PDE11A: variants seen among roughly 807,000 people sequenced by gnomAD.
PDE11A encodes phosphodiesterase 11A.
PDE11A carries 100 observed loss-of-function variants against 100.5 expected under a neutral mutation model. That is an observed-to-expected ratio of 1.00 (90% CI 0.85 to 1.18). PDE11A has a LOEUF of 1.18. PDE11A is among the 50% of genes most tolerant of loss of function. The pLI is 0.00. For missense variants in PDE11A, 1,141 were observed against 1,152.6 expected, an observed-to-expected ratio of 0.99 and a Z score of 0.15; for synonymous variants, 381 against 420.8, an observed-to-expected ratio of 0.91 and a Z score of 1.16.
chr2:177,807,243 A>T (rs1369586962), intron 9 of PDE11A, among the ~76,000 whole-genome samples: 1 of 152,162 alleles, frequency 6.6e-6, no homozygotes, highest in East Asian at 1.9e-4. Context: ...AACGGAAGCC[A>T]AAAGACAGTG....
At chr2:177,833,190 C>T (rs753346) in intron 6 of PDE11A, among the ~76,000 whole-genome samples, 31,558 of 152,036 alleles carry the variant, frequency 0.21, 3,363 homozygotes, top group Middle Eastern at 0.26. Context: ...TCCAATGTGC[C>T]TAGGAAACCT....
intron 15 of PDE11A, among the ~76,000 whole-genome samples, chr2:177,690,345 A>C (rs1383782270): frequency 1.3e-5 from 2 of 152,326 alleles, no homozygotes; most frequent in East Asian, 3.9e-4. Flanking sequence ...ATTACTAATC[A>C]GTTTACTTTC....
At chr2:177,902,698 C>T (rs2084716604) in intron 3 of PDE11A, among the ~76,000 whole-genome samples, 1 of 152,166 alleles carries the variant, frequency 6.6e-6, no homozygotes, top group Admixed American at 6.5e-5. Flanking sequence ...TCTTAATCTC[C>T]AGTCCTGACA....
intron 12 of PDE11A, among the ~76,000 whole-genome samples, chr2:177,718,716 T>TA (rs1312726201): frequency 6.6e-6 from 1 of 152,250 alleles, no homozygotes; most frequent in Non-Finnish European, 1.5e-5. Context: ...ACAGTTGGCT[T>TA]AAATTTTTTC....
intron 9 of PDE11A, among the ~76,000 whole-genome samples, chr2:177,815,013 T>C (rs1352530575): frequency 1.3e-5 from 2 of 152,200 alleles, no homozygotes; most frequent in African/African-American, 4.8e-5. Context: ...TCTCTCTTTG[T>C]GTGTTAATTA....
chr2:177,866,239 T>G (rs2084027474), intron 5 of PDE11A, among the ~76,000 whole-genome samples: 1 of 152,172 alleles, frequency 6.6e-6, no homozygotes, highest in Non-Finnish European at 1.5e-5. Flanking sequence ...TCCACGCCTC[T>G]GGGTCCAAGC....
intron 17 of PDE11A, among the ~76,000 whole-genome samples, chr2:177,674,929 C>CT (rs2080746103): frequency 6.6e-6 from 1 of 152,074 alleles, no homozygotes; most frequent in Admixed American, 6.6e-5. Context: ...GAAAACTATT[C>CT]TTATAGAACT....
intron 2 of PDE11A, among the ~76,000 whole-genome samples, chr2:178,078,947 G>A (rs1027922076): frequency 6.6e-6 from 1 of 152,072 alleles, no homozygotes; most frequent in Non-Finnish European, 1.5e-5. Context: ...AAGAACAACT[G>A]ACAATACAAG....
At chr2:177,937,319 CTTTTTT>C (rs33967413) in intron 2 of PDE11A, among the ~76,000 whole-genome samples, 1 of 125,768 alleles carries the variant, frequency 8.0e-6, no homozygotes, top group Admixed American at 8.7e-5. Flanking sequence ...AAATTGAAAG[CTTTTTT>C]TTTTTTTTTT....
At chr2:178,034,299 G>C (rs1197084937) in intron 1 of PDE11A, among the ~76,000 whole-genome samples, 1 of 150,672 alleles carries the variant, frequency 6.6e-6, no homozygotes, top group Non-Finnish European at 1.5e-5. Context: ...AAAGACAAAA[G>C]GGATCAACGC....
chr2:178,005,454 C>T (rs1405644), intron 2 of PDE11A, among the ~76,000 whole-genome samples: 49,191 of 152,004 alleles, frequency 0.32, 10,078 homozygotes, highest in East Asian at 0.55. Context: ...TCAGGACCAG[C>T]GTGGGCACCA....
intron 2 of PDE11A, among the ~76,000 whole-genome samples, chr2:178,099,523 G>C (rs1181128836): frequency 6.6e-6 from 1 of 151,638 alleles, no homozygotes; most frequent in Non-Finnish European, 1.5e-5. Flanking sequence ...CAATCATTAG[G>C]GAAATGAAAA....
intron 1 of PDE11A, among the ~76,000 whole-genome samples, chr2:178,053,834 T>C (rs1359706151): frequency 6.6e-6 from 1 of 152,020 alleles, no homozygotes; most frequent in Admixed American, 6.5e-5. Flanking sequence ...CAAGGAGAAC[T>C]ACAAACCACT....
chr2:177,679,446 C>T (rs2080828086), intron 16 of PDE11A, among the ~76,000 whole-genome samples: 1 of 152,046 alleles, frequency 6.6e-6, no homozygotes, highest in South Asian at 2.1e-4. Context: ...TATGTAAATG[C>T]TTTGGAAATG....
At chr2:177,762,647 G>T (rs2082184972) in intron 10 of PDE11A, among the ~76,000 whole-genome samples, 1 of 152,194 alleles carries the variant, frequency 6.6e-6, no homozygotes, top group African/African-American at 2.4e-5. Context: ...GACACTTAGG[G>T]AATGCAGTGA....
chr2:178,084,926 G>C (rs1159347509), intron 2 of PDE11A, among the ~76,000 whole-genome samples: 1 of 152,116 alleles, frequency 6.6e-6, no homozygotes, highest in Non-Finnish European at 1.5e-5. Context: ...CATTATGTAT[G>C]CCACATCTAA....
At chr2:177,782,965 G>T (rs79980669) in intron 9 of PDE11A, among the ~76,000 whole-genome samples, 1 of 151,788 alleles carries the variant, frequency 6.6e-6, no homozygotes, top group Non-Finnish European at 1.5e-5. Flanking sequence ...ACCCTCTCAT[G>T]AAGTATCAGC....
At chr2:178,002,725 C>T (rs1416358087) in intron 2 of PDE11A, among the ~76,000 whole-genome samples, 1 of 152,098 alleles carries the variant, frequency 6.6e-6, no homozygotes, top group Non-Finnish European at 1.5e-5. Context: ...TGATTAATTC[C>T]TTGTGGAAGG....
rs560149312 is a variant in PDE11A, at chr2:177,990,857, G to A, written c.1071+23445C>T. Among the ~76,000 whole-genome samples, 6 of 150,062 alleles carry A rather than the reference G, an allele frequency of 4.0e-5. No individual in the cohort carries two copies. In the East Asian group the frequency reaches 5.9e-4, roughly 15 times the overall value. On this transcript the variant is annotated intron_variant, in intron 2 of 19. Transcript: ENST00000286063. Reference sequence around the variant, plus strand: ...AGGTCAACAAAAATTAGCTGGGCACGGTGGTGCGCTCCTGCAGTCCCAGCT... The same window carrying A: ...AGGTCAACAAAAATTAGCTGGGCACAGTGGTGCGCTCCTGCAGTCCCAGCT...
Sources: gnomAD v4.1 joint callset for allele counts (sites outside exome capture counted in the v4.1 genomes callset) on GRCh38, gnomAD v4.1.1 for gene constraint, MANE v1.5 for transcripts, NCBI Gene and HGNC (gene_info 2026-07-23, HGNC 2026-07-21) for gene names.